DPP9: variants seen among roughly 807,000 people sequenced by gnomAD.
DPP9 encodes the protein dipeptidyl peptidase IV-related protein-2.
A neutral mutation model predicts 110.7 loss-of-function variants in DPP9; 50 were observed. That is an observed-to-expected ratio of 0.45 (90% CI 0.36 to 0.57). The LOEUF is 0.57. Among genes scored for constraint, DPP9 ranks in the 20% least tolerant of loss-of-function variants. DPP9 has a pLI of 0.00. For synonymous variants in DPP9, 561 were observed against 514.4 expected, an observed-to-expected ratio of 1.09 and a Z score of -1.23; for missense variants, 1,022 against 1,217.9, an observed-to-expected ratio of 0.84 and a Z score of 2.39.
At chr19:4,705,816 T>C (rs1274004047) in intron 5 of DPP9, 42 bp downstream of exon 5, 1 of 1,599,876 alleles carries the variant, frequency 6.3e-7, no homozygotes, top group Non-Finnish European at 8.6e-7. Context: ...CTTTGCCACC[T>C]CCTCGCCCAC....
At chr19:4,686,171 T>A (rs1363112568) in intron 16 of DPP9, among the ~76,000 whole-genome samples, 2 of 151,834 alleles carry the variant, frequency 1.3e-5, no homozygotes, top group African/African-American at 4.8e-5. Flanking sequence ...CACTGCAACC[T>A]CCGCCTTCCT....
rs1469250754 is a variant in DPP9, at chr19:4,693,591, C to T, written c.1516+1070G>A. ...CTTTCCACTGCAAACGGTGTGGGCT[C>T]AGCTGTCCAAGCACATCCAGAATCA... On this transcript the variant is annotated intron_variant, in intron 13 of 21. Coordinates refer to ENST00000262960, the MANE Select transcript of DPP9 (RefSeq NM_139159.5). This position sits in a 1 kb window ranked among gnomAD's most constrained non-coding sequence, Gnocchi z 5.0. 5.3e-5 allele frequency among the ~76,000 whole-genome samples: 8 copies of T among 152,134 alleles called. No individual in the cohort carries two copies. The highest frequency in any genetic ancestry group is 2.6e-4 in the Admixed American group (4 of 15,270).
rs1260545757 is a variant in DPP9 at position 4,689,539 on chromosome 19, A to AGGGC, written c.1749+27_1749+30dup. Reference sequence around the variant, plus strand: ...TGGCTGGGAGCTGTTGGACGGGCACAGGGCGGTGCCGTGAGGCTGGGCGGT... The same window carrying AGGGC: ...TGGCTGGGAGCTGTTGGACGGGCACAGGGCGGGCGGTGCCGTGAGGCTGGGCGGT... On this transcript the variant is annotated intron_variant, in intron 15 of 21. Coordinates refer to ENST00000262960, the MANE Select transcript of DPP9 (RefSeq NM_139159.5). The surrounding 1 kb of genome is among the most constrained non-coding windows in gnomAD (Gnocchi z 7.0). 1.9e-6 allele frequency: 3 copies of AGGGC among 1,539,434 alleles called. No individual in the cohort carries two copies. In the East Asian group the frequency reaches 7.3e-5, roughly 38 times the overall value.
At chr19:4,699,072 T>TCCCA (rs1210381932) in intron 10 of DPP9, among the ~76,000 whole-genome samples, 1 of 138,636 alleles carries the variant, frequency 7.2e-6, no homozygotes, top group East Asian at 2.1e-4. Context: ...GGCAGGAGAA[T>TCCCA]GGCATGAACC....
At chr19:4,697,040 A>T (rs571194438) in intron 11 of DPP9, among the ~76,000 whole-genome samples, 1 of 151,916 alleles carries the variant, frequency 6.6e-6, no homozygotes, top group African/African-American at 2.4e-5. Context: ...TCGGGGCTGC[A>T]GTGAGTTATG....
Position 4,698,075 on chromosome 19 carries a change from C to A in DPP9, c.1075-424G>T, listed in dbSNP as rs1374337752. ...GTCATGGCCCAAACAAATGACTACA[C>A]CCAACAGGGGCAGGTGGGCTGGGCA... is the stretch of plus-strand genomic sequence containing the variant. On this transcript the variant is annotated intron_variant, in intron 10 of 21. Transcript: ENST00000262960. The surrounding 1 kb of genome is among the most constrained non-coding windows in gnomAD (Gnocchi z 4.2). Among the ~76,000 whole-genome samples, 1 of 152,118 alleles carries A rather than the reference C, an allele frequency of 6.6e-6. No individual in the cohort carries two copies. The highest frequency in any genetic ancestry group is 2.4e-5 in the African/African-American group (1 of 41,458).
At chr19:4,678,875 C>T (rs2089313317) in intron 21 of DPP9, among the ~76,000 whole-genome samples, 1 of 152,124 alleles carries the variant, frequency 6.6e-6, no homozygotes, top group African/African-American at 2.4e-5. Context: ...CTATGGACCA[C>T]GTCCCACTGT....
intron 2 of DPP9, 62 bp downstream of exon 2, chr19:4,722,437 C>A: frequency 2.9e-6 from 2 of 696,370 alleles, no homozygotes; most frequent in Non-Finnish European, 5.2e-6. Context: ...CTAGAGCAGG[C>A]AAAGGAATCC....
At chr19:4,690,025 G>T (rs921040249) in intron 14 of DPP9, among the ~76,000 whole-genome samples, 4 of 152,222 alleles carry the variant, frequency 2.6e-5, no homozygotes, top group Non-Finnish European at 5.9e-5. Context: ...ACCAGAGCCA[G>T]GTGGGAAGGC....
At position 4,684,719 on chromosome 19, in the gene DPP9, C is replaced by A. The variant is rs779275444; in HGVS notation, c.2122G>T (p.Gly708Cys). 1.2e-6 allele frequency: 2 copies of A among 1,611,990 alleles called. No individual in the cohort carries two copies. The highest frequency in any genetic ancestry group is 1.7e-6 in the Non-Finnish European group (2 of 1,179,156). Residue 708 changes from glycine (G) to cysteine (C), a missense_variant, in exon 18 of 22, where the codon GGC becomes TGC. Gly to Cys is a radical substitution (Grantham distance 159). Coordinates refer to ENST00000262960, the MANE Select transcript of DPP9 (RefSeq NM_139159.5). The surrounding 1 kb of genome is among the most constrained non-coding windows in gnomAD (Gnocchi z 4.8). Reference sequence around the variant, plus strand: ...AGCCCTCGCTGACAGGAGCCCCTGCCGTCAATCACAACCACGGCGTAGCCC... The same window carrying A: ...AGCCCTCGCTGACAGGAGCCCCTGCAGTCAATCACAACCACGGCGTAGCCC... ...SLGYAVVVID[G>C]RGSCQRGLRF... is the part of the protein sequence containing the mutation.
At chr19:4,702,865 A>AGGGAGAGGGAGGGAGAGGGG in intron 7 of DPP9, 149 bp from the exon 8 acceptor site, 1 of 228,244 alleles carries the variant, frequency 4.4e-6, no homozygotes. Context: ...AGGGAGAGGG[A>AGGGAGAGGGAGGGAGAGGGG]GGGAGAGCTC....
chr19:4,677,877 C>T (rs1035217325), intron 21 of DPP9, among the ~76,000 whole-genome samples: 3 of 152,162 alleles, frequency 2.0e-5, no homozygotes, highest in South Asian at 4.1e-4. Flanking sequence ...GCCCAAGGCC[C>T]GGCATGTGAC....
rs1013438253 is a variant in DPP9 at position 4,705,910 on chromosome 19, C to T, written c.374G>A (p.Arg125Gln). The T allele has an allele frequency of 9.9e-6, 16 of 1,613,846 alleles. No individual in the cohort carries two copies. Among genetic ancestry groups the T allele is most frequent in the Admixed American group, 3.3e-5 (2 of 60,008 alleles). Reference protein sequence around the residue: ...LLYSEIPKKVRKEALLLLSWK... With the variant: ...LLYSEIPKKVQKEALLLLSWK... The stretch of plus-strand genomic sequence containing the variant: ...GGACAGGAGCAGCAGAGCCTCTTTC[C>T]GGACCTTCTTGGGAATCTCAGAGTA... The change falls in exon 5 of 22, where the codon CGG becomes CAG. Residue 125 changes from arginine to glutamine, a missense_variant. By Grantham distance (43) the Arg-to-Gln change is conservative. Coordinates refer to ENST00000262960, the MANE Select transcript of DPP9 (RefSeq NM_139159.5).
intron 4 of DPP9, among the ~76,000 whole-genome samples, chr19:4,706,807 T>C (rs2092607574): frequency 6.6e-6 from 1 of 152,066 alleles, no homozygotes; most frequent in African/African-American, 2.4e-5. Flanking sequence ...CAGAGCAAGA[T>C]TTTGTCTCAA....
In DPP9 at chr19:4,685,662, C is replaced by T. The variant is rs2090596459; in HGVS notation, c.1995G>A (p.Lys665=). 6.2e-7 allele frequency: 1 copy of T among 1,612,122 alleles called. No homozygotes were observed. The highest frequency in any genetic ancestry group is 8.5e-7 in the Non-Finnish European group (1 of 1,179,298). ...YKPHALQPGK[K]HPTVLFVYGG... ...CATATACAAAGAGGACGGTGGGGTG[C>T]TTCTTCCCTGGCTGCAAGGCGTGGG... The change falls in exon 17 of 22, where the codon AAG becomes AAA. Residue 665 remains lysine (K), a synonymous_variant. Coordinates refer to ENST00000262960, the MANE Select transcript of DPP9 (RefSeq NM_139159.5). This position sits in a 1 kb window ranked among gnomAD's most constrained non-coding sequence, Gnocchi z 5.8.
intron 2 of DPP9, among the ~76,000 whole-genome samples, chr19:4,720,730 A>G (rs556340534): frequency 1.3e-5 from 2 of 152,250 alleles, no homozygotes; most frequent in African/African-American, 4.8e-5. Flanking sequence ...TTAGCACCCC[A>G]CAGTGCCCAG....
rs570855739 is a variant in DPP9 at position 4,710,084 on chromosome 19, C to T, written c.313+3997G>A. ...GCCAAGGGCTGTGGATTTCTGCTGC[C>T]CCATCCCTCCTCGGACCTCCCTCAC... On this transcript the variant is annotated intron_variant, in intron 4 of 21. Transcript: ENST00000262960. The surrounding 1 kb of genome is among the most constrained non-coding windows in gnomAD (Gnocchi z 5.6). Among the ~76,000 whole-genome samples the T allele has an allele frequency of 1.3e-5, 2 of 152,324 alleles. No homozygotes were observed. Among genetic ancestry groups the T allele is most frequent in the East Asian group, 1.9e-4 (1 of 5,182 alleles).
Position 4,689,863 on chromosome 19 carries a change from G to A in DPP9, c.1597-141C>T. ...CTCGCCCAAGTCTGGCTTTAGGGCT[G>A]GAGATGAACCATCCCTGAGAGATGC... On this transcript the variant is annotated intron_variant, in intron 14 of 21. Coordinates refer to ENST00000262960, the MANE Select transcript of DPP9 (RefSeq NM_139159.5). This position sits in a 1 kb window ranked among gnomAD's most constrained non-coding sequence, Gnocchi z 7.0. The A allele has an allele frequency of 1.1e-6, 1 of 946,584 alleles. No individual in the cohort carries two copies. The highest frequency in any genetic ancestry group is 1.5e-6 in the Non-Finnish European group (1 of 659,842). The allele number at this position is 946,584 out of a possible 1,614,324, so 58.6% of individuals were successfully genotyped here.
chr19:4,694,536 G>C lies in DPP9; in HGVS notation c.1516+125C>G. On this transcript the variant is annotated intron_variant, in intron 13 of 21. Transcript: ENST00000262960. This position sits in a 1 kb window ranked among gnomAD's most constrained non-coding sequence, Gnocchi z 4.0. ...CACTGGGGAAGGCTGGCTTCCTGCC[G>C]ATCCCTGTTCCTTCTCCCGCAGGGT... The C allele has an allele frequency of 7.9e-7, 1 of 1,258,798 alleles. No homozygotes were observed. Among genetic ancestry groups the C allele is most frequent in the Non-Finnish European group, 1.1e-6 (1 of 915,898 alleles). 78.0% of individuals were successfully genotyped at this position (1,258,798 alleles called of 1,614,324 possible). A position where few individuals can be genotyped will look rare whatever the true frequency, so the allele number is the denominator to read the frequency against.
Sources: allele counts gnomAD v4.1 joint callset (sites outside exome capture counted in the v4.1 genomes callset), GRCh38; gene constraint gnomAD v4.1.1; non-coding constraint Gnocchi (gnomAD v3.1); transcripts MANE v1.5; gene names NCBI Gene and HGNC (gene_info 2026-07-23, HGNC 2026-07-21).